LYG1: variants seen among roughly 807,000 people sequenced by gnomAD.
LYG1 encodes the protein lysozyme g1.
Under a neutral mutation model 21.7 loss-of-function variants are expected in LYG1, and 17 were observed. That is an observed-to-expected ratio of 0.78 (90% CI 0.54 to 1.18). The LOEUF is 1.18. Ranked by LOEUF, LYG1 falls within the 50% of genes most tolerant of loss-of-function variation. The probability of loss-of-function intolerance (pLI) is 0.00; values close to 1 mark genes in which losing one functional copy is unlikely to be tolerated. For synonymous variants in LYG1, 81 were observed against 87.4 expected (o/e 0.93, Z 0.41); for missense variants, 211 against 238.1 (o/e 0.89, Z 0.75).
intron 5 of LYG1, 74 bp from the exon 6 acceptor site, chr2:99,284,894 C>T (rs2094093880): frequency 7.1e-6 from 11 of 1,554,738 alleles, no homozygotes; most frequent in South Asian, 4.7e-5. Context: ...GGCTCAATGG[C>T]GCTTGTTCAT....
rs267599508 is a variant in LYG1, at chr2:99,291,416, G to C, written c.154C>G (p.Arg52Gly). 6.2e-7 allele frequency: 1 copy of C among 1,614,030 alleles called. No homozygotes were observed. Among genetic ancestry groups the C allele is most frequent in the Non-Finnish European group, 8.5e-7 (1 of 1,179,980 alleles). ...RRHGLNYCGV[R>G]ASERLAEIDM... is the part of the protein sequence containing the mutation. ...ATTTCAGCCAGCCTTTCAGAAGCAC[G>C]AACTCCTAAACCAAACGCAAAAGGA... The change falls in exon 5 of 7, where the codon CGT becomes GGT. Residue 52 changes from arginine to glycine, a missense_variant. By Grantham distance (125) the Arg-to-Gly change is moderately radical (BLOSUM62 -2). Transcript: ENST00000308528.
rs2094122835 is a variant in LYG1, at chr2:99,292,547, A to G, written c.137T>C (p.Leu46Pro). 6.2e-7 allele frequency: 1 copy of G among 1,613,578 alleles called. No homozygotes were observed. ...ASCGIGRRHG[L>P]NYCGVRASER... ...AAGCTCATAGCTACCACAGTAGTTCAGGCCGTGACGTCTTCCAATCCCACA... is the reference window on the plus strand; with the variant it reads ...AAGCTCATAGCTACCACAGTAGTTCGGGCCGTGACGTCTTCCAATCCCACA... The change falls in exon 4 of 7, where the codon CTG (leucine) becomes CCG (proline). Residue 46 changes from leucine (L) to proline (P), a missense_variant. By Grantham distance (98) the Leu-to-Pro change is moderately conservative (BLOSUM62 -3). Coordinates refer to ENST00000308528, the MANE Select transcript of LYG1 (RefSeq NM_174898.3).
upstream of LYG1, among the ~76,000 whole-genome samples, chr2:99,304,292 T>C (rs2094161385): frequency 6.6e-6 from 1 of 152,184 alleles, no homozygotes; most frequent in Admixed American, 6.5e-5. Flanking sequence ...GATCTGATGA[T>C]TTTATAAGAG....
At chr2:99,293,283 C>T (rs1254708036) in intron 3 of LYG1, among the ~76,000 whole-genome samples, 8 of 152,206 alleles carry the variant, frequency 5.3e-5, no homozygotes, top group South Asian at 2.1e-4. Flanking sequence ...TGAGCCACCG[C>T]GCCCAGCCTC....
chr2:99,290,504 T>C (rs570157991), intron 5 of LYG1, among the ~76,000 whole-genome samples: 4 of 152,254 alleles, frequency 2.6e-5, no homozygotes, highest in African/African-American at 9.6e-5. Flanking sequence ...GGAGAGATCA[T>C]TGAGAAATAA....
At chr2:99,285,252 C>CT (rs1451187578) in intron 5 of LYG1, among the ~76,000 whole-genome samples, 4 of 152,020 alleles carry the variant, frequency 2.6e-5, no homozygotes, top group African/African-American at 9.6e-5. Context: ...ATCCCAGCTA[C>CT]TTGGGAGGCT....
intron 3 of LYG1, among the ~76,000 whole-genome samples, chr2:99,293,292 T>G (rs2094126408): frequency 6.6e-6 from 1 of 152,110 alleles, no homozygotes; most frequent in African/African-American, 2.4e-5. Context: ...GCGCCCAGCC[T>G]CTTCTTTCAT....
At chr2:99,288,888 CTA>C (rs2094110141) in intron 5 of LYG1, among the ~76,000 whole-genome samples, 1 of 152,064 alleles carries the variant, frequency 6.6e-6, no homozygotes, top group South Asian at 2.1e-4. Flanking sequence ...GTAACCGAAA[CTA>C]TGTCTCACCC....
chr2:99,299,504 C>A (rs536398486), intron 1 of LYG1, among the ~76,000 whole-genome samples: 237 of 150,804 alleles, frequency 1.6e-3, no homozygotes, highest in Non-Finnish European at 2.6e-3. Context: ...GCTCACTGCA[C>A]CCTCGACCTG....
chr2:99,287,789 G>A (rs2105290362), intron 5 of LYG1, among the ~76,000 whole-genome samples: 1 of 152,042 alleles, frequency 6.6e-6, no homozygotes. Context: ...TAGCATAATT[G>A]TATTATTGTG....
intron 3 of LYG1, 76 bp from the exon 4 acceptor site, chr2:99,292,716 T>C (rs1277424730): frequency 5.7e-6 from 5 of 884,892 alleles, no homozygotes; most frequent in East Asian, 2.4e-5. Context: ...TAAAATTACA[T>C]TAATAAAAGT....
At chr2:99,291,148 T>C in intron 5 of LYG1, 89 bp downstream of exon 5, 1 of 1,264,216 alleles carries the variant, frequency 7.9e-7, no homozygotes, top group Non-Finnish European at 1.1e-6. Flanking sequence ...ATTCATGCTG[T>C]GTTCTGTGAA....
Position 99,284,447 on chromosome 2 carries a change from G to T in LYG1, c.531C>A (p.Asp177Glu). Residue 177 changes from aspartate (D) to glutamate (E), a missense_variant, in exon 7 of 7, where the codon GAC becomes GAA. By Grantham distance (45) the Asp-to-Glu change is conservative. Transcript: ENST00000308528. ...CTCGTGCAAGGACATCATTGCAGAA[G>T]TCACAGCTCAGGTCCTGGCTGCTTC... ...YVRSSQDLSC[D>E]FCNDVLARAK... The T allele has an allele frequency of 6.2e-7, 1 of 1,614,214 alleles. No individual in the cohort carries two copies. The highest frequency in any genetic ancestry group is 1.1e-5 in the South Asian group (1 of 91,088).
At chr2:99,291,461 C>A in intron 4 of LYG1, 40 bp from the exon 5 acceptor site, 1 of 1,598,746 alleles carries the variant, frequency 6.3e-7, no homozygotes, top group Non-Finnish European at 8.6e-7. Flanking sequence ...CTTGTTGTGA[C>A]TTATGCTGCA....
chr2:99,298,640 G>A (rs2094144454), intron 1 of LYG1, 91 bp from the exon 2 acceptor site: 1 of 152,216 alleles, frequency 6.6e-6, no homozygotes. Context: ...ACCTTGAACA[G>A]TATCATTGCA....
chr2:99,296,021 C>G (rs2094135032), intron 2 of LYG1, among the ~76,000 whole-genome samples: 1 of 151,924 alleles, frequency 6.6e-6, no homozygotes, highest in Non-Finnish European at 1.5e-5. Context: ...ACTGACCTGG[C>G]TCCAGACCCT....
At position 99,284,290 on chromosome 2, in the gene LYG1, A is replaced by G; in HGVS notation, c.*103T>C. 2.1e-6 allele frequency: 2 copies of G among 933,528 alleles called. No homozygotes were observed. The highest frequency in any genetic ancestry group is 1.5e-5 in the South Asian group (1 of 65,042). The allele number at this position is 933,528 out of a possible 1,614,324, so 57.8% of individuals were successfully genotyped here. A position where few individuals can be genotyped will look rare whatever the true frequency, so the allele number is the denominator to read the frequency against. On this transcript the variant is annotated 3_prime_UTR_variant, in exon 7 of 7. Coordinates refer to ENST00000308528, the MANE Select transcript of LYG1 (RefSeq NM_174898.3). Reference sequence around the variant, plus strand: ...GATTCATGTTATTTTAATGACTTTTAGGTCAAACTCAGATTCCCAGTTACA... The same window carrying G: ...GATTCATGTTATTTTAATGACTTTTGGGTCAAACTCAGATTCCCAGTTACA...
At chr2:99,298,584 T>C (rs947827894) in intron 1 of LYG1, 35 bp from the exon 2 acceptor site, 9 of 152,394 alleles carry the variant, frequency 5.9e-5, no homozygotes, top group Middle Eastern at 3.4e-3. Context: ...TTTGGTCTTA[T>C]GGTTTTCTCA....
intron 2 of LYG1, among the ~76,000 whole-genome samples, chr2:99,297,051 T>G (rs1354902438): frequency 6.6e-6 from 1 of 152,228 alleles, no homozygotes; most frequent in Admixed American, 6.5e-5. Flanking sequence ...GATTTCTGTC[T>G]TCTTAAACTG....
Sources: allele counts gnomAD v4.1 joint callset (sites outside exome capture counted in the v4.1 genomes callset), GRCh38; gene constraint gnomAD v4.1.1; transcripts MANE v1.5; gene names NCBI Gene and HGNC (gene_info 2026-07-23, HGNC 2026-07-21).